The following SEPTIN7 variants were observed in gnomAD, a reference collection of about 807,000 sequenced individuals.
SEPTIN7 encodes the protein septin 7.
Under a neutral mutation model 63.3 loss-of-function variants are expected in SEPTIN7, and 10 were observed. The ratio of observed to expected loss-of-function variants is 0.16; its 90% CI spans 0.10 to 0.27. The LOEUF (loss-of-function observed/expected upper bound fraction) is 0.27, where lower values mean the gene tolerates loss of function less well. SEPTIN7 is among the 10% of genes least tolerant of loss of function. The pLI is 1.00. For missense variants in SEPTIN7, 310 were observed against 521.0 expected (o/e 0.59, Z 3.94); for synonymous variants, 131 against 165.3 (o/e 0.79, Z 1.59).
chr7:35,806,115 AATC>A (rs1185852158), intron 1 of SEPTIN7, among the ~76,000 whole-genome samples: 1 of 152,196 alleles, frequency 6.6e-6, no homozygotes, highest in Non-Finnish European at 1.5e-5. Flanking sequence ...GGGGGAGCAG[AATC>A]ATCCTTGGTT....
intron 6 of SEPTIN7, among the ~76,000 whole-genome samples, chr7:35,877,405 G>A (rs911867960): frequency 6.6e-6 from 1 of 152,070 alleles, no homozygotes; most frequent in Non-Finnish European, 1.5e-5. Context: ...TTAGTAAAAA[G>A]GACTGGACTA....
intron 11 of SEPTIN7, among the ~76,000 whole-genome samples, chr7:35,891,649 A>C (rs1332141298): frequency 6.6e-6 from 1 of 152,208 alleles, no homozygotes; most frequent in African/African-American, 2.4e-5. Flanking sequence ...GTGAGTGTGC[A>C]GTGAGTGAAC....
At chr7:35,867,991 G>C (rs1450737117) in intron 4 of SEPTIN7, among the ~76,000 whole-genome samples, 1 of 151,576 alleles carries the variant, frequency 6.6e-6, no homozygotes, top group Non-Finnish European at 1.5e-5. Flanking sequence ...TCCTGCCTTA[G>C]CCTCCCGGGT....
intron 4 of SEPTIN7, among the ~76,000 whole-genome samples, chr7:35,867,831 A>C (rs1170641089): frequency 6.6e-6 from 1 of 150,942 alleles, no homozygotes; most frequent in Non-Finnish European, 1.5e-5. Context: ...GTTGGAAACT[A>C]CGCTGCTCCC....
At chr7:35,903,973 T>G (rs768028039) in intron 13 of SEPTIN7, among the ~76,000 whole-genome samples, 1 of 152,210 alleles carries the variant, frequency 6.6e-6, no homozygotes, top group Non-Finnish European at 1.5e-5. Context: ...TTGTGCTGTT[T>G]CATTTGGGAA....
At chr7:35,872,234 T>C (rs1786196549) in intron 4 of SEPTIN7, among the ~76,000 whole-genome samples, 1 of 152,190 alleles carries the variant, frequency 6.6e-6, no homozygotes, top group South Asian at 2.1e-4. Context: ...GGAAGACATT[T>C]ACTGTAAATG....
At chr7:35,841,564 G>A (rs1251150833) in intron 3 of SEPTIN7, among the ~76,000 whole-genome samples, 2 of 152,202 alleles carry the variant, frequency 1.3e-5, no homozygotes, top group African/African-American at 4.8e-5. Context: ...CAGACCTAGA[G>A]AAACTGTTCT....
chr7:35,829,133 T>G (rs1312249739), intron 1 of SEPTIN7, among the ~76,000 whole-genome samples: 1 of 130,244 alleles, frequency 7.7e-6, no homozygotes, highest in South Asian at 2.6e-4. Flanking sequence ...ACCTTCTTTT[T>G]TTTTTTTTTT....
At chr7:35,835,285 T>C (rs559141306) in intron 3 of SEPTIN7, among the ~76,000 whole-genome samples, 1 of 152,250 alleles carries the variant, frequency 6.6e-6, no homozygotes, top group African/African-American at 2.4e-5. Flanking sequence ...AAGGATAGAA[T>C]TGGGGCCAAG....
rs1788630860 is a variant in SEPTIN7, at chr7:35,906,881, G to A, written c.*2588G>A. The A allele has an allele frequency of 1.3e-5, 2 of 152,362 alleles. No individual in the cohort carries two copies. The highest frequency in any genetic ancestry group is 4.1e-4 in the South Asian group (2 of 4,830). 9.4% of individuals were successfully genotyped at this position (152,362 alleles called of 1,614,324 possible). A position where few individuals can be genotyped will look rare whatever the true frequency, so the allele number is the denominator to read the frequency against. On this transcript the variant is annotated 3_prime_UTR_variant, in exon 14 of 14. Coordinates refer to ENST00000350320, the MANE Select transcript of SEPTIN7 (RefSeq NM_001788.6). ...TGGTAGGTAAGGGGGAAAAAGGAAAGACGGCTTGATAGCTATGAATGCATG... is the reference window on the plus strand; with the variant it reads ...TGGTAGGTAAGGGGGAAAAAGGAAAAACGGCTTGATAGCTATGAATGCATG...
chr7:35,900,861 A>C (rs1346344070), intron 12 of SEPTIN7: 1 of 152,156 alleles, frequency 6.6e-6, no homozygotes, highest in Non-Finnish European at 1.5e-5. Context: ...CTCTGGGCCA[A>C]GGTTCCCACC....
chr7:35,846,164 T>C (rs1239968475), intron 3 of SEPTIN7, among the ~76,000 whole-genome samples: 1 of 152,246 alleles, frequency 6.6e-6, no homozygotes, highest in Admixed American at 6.5e-5. Context: ...ATATTTATTT[T>C]GTATACTTTC....
At chr7:35,909,183 ATAAAGT>A (rs755330861), downstream of SEPTIN7, among the ~76,000 whole-genome samples, 10 of 152,216 alleles carry the variant, frequency 6.6e-5, no homozygotes, top group Admixed American at 2.0e-4. Context: ...GCTTACCCTG[ATAAAGT>A]TAAAAAACAA....
chr7:35,855,639 A>G (rs1263751577), intron 3 of SEPTIN7, among the ~76,000 whole-genome samples: 6 of 152,214 alleles, frequency 3.9e-5, no homozygotes, highest in Non-Finnish European at 7.4e-5. Flanking sequence ...GGAAGAGTTA[A>G]GGAGAGATAT....
chr7:35,902,895 G>T, intron 12 of SEPTIN7, 181 bp from the exon 13 acceptor site: 2 of 892,146 alleles, frequency 2.2e-6, no homozygotes, highest in Non-Finnish European at 1.5e-6. Context: ...TGGCCTTTTG[G>T]GTGGCAGGTC....
At chr7:35,875,132 T>C (rs1786394340) in intron 6 of SEPTIN7, among the ~76,000 whole-genome samples, 1 of 152,184 alleles carries the variant, frequency 6.6e-6, no homozygotes, top group Non-Finnish European at 1.5e-5. Context: ...GGGGAAAATT[T>C]TATTTCCTAA....
chr7:35,848,442 G>GTT (rs970377555), intron 3 of SEPTIN7, among the ~76,000 whole-genome samples: 3 of 150,844 alleles, frequency 2.0e-5, no homozygotes, highest in African/African-American at 4.9e-5. Context: ...TAATTTTTTG[G>GTT]TTTTTTTTTA....
intron 3 of SEPTIN7, among the ~76,000 whole-genome samples, chr7:35,854,650 C>G (rs1785112495): frequency 2.6e-5 from 4 of 152,230 alleles, no homozygotes; most frequent in Admixed American, 2.6e-4. Flanking sequence ...TAGTCTCTTA[C>G]TGGACTCAAT....
intron 11 of SEPTIN7, among the ~76,000 whole-genome samples, chr7:35,891,919 CT>C (rs1433573984): frequency 6.6e-6 from 1 of 151,838 alleles, no homozygotes; most frequent in Non-Finnish European, 1.5e-5. Context: ...AAAGTTCTTT[CT>C]TTTTTCATTT....
Sources: allele counts gnomAD v4.1 joint callset (sites outside exome capture counted in the v4.1 genomes callset), GRCh38; gene constraint gnomAD v4.1.1; transcripts MANE v1.5; gene names NCBI Gene and HGNC (gene_info 2026-07-23, HGNC 2026-07-21).